Variants in ARL15 observed in about 807,000 individuals in gnomAD.
ARL15 encodes the protein ADP-ribosylation factor-like protein 15.
In ARL15, 19 loss-of-function variants were observed where a neutral mutation model predicts 25.2. The observed-to-expected ratio is 0.75, with a 90% CI of 0.53 to 1.10. The LOEUF (loss-of-function observed/expected upper bound fraction) is 1.10. Among genes scored for constraint, ARL15 ranks in the 50% least tolerant of loss-of-function variants. The pLI, the probability that ARL15 is intolerant of heterozygous loss-of-function variation, is 0.00. For missense variants in ARL15, 220 were observed against 246.0 expected (o/e 0.89, Z 0.71); for synonymous variants, 94 against 86.8 (o/e 1.08, Z -0.46).
intron 1 of ARL15, among the ~76,000 whole-genome samples, chr5:54,176,684 A>C (rs1283892190): frequency 6.6e-6 from 1 of 152,130 alleles, no homozygotes; most frequent in East Asian, 1.9e-4. Flanking sequence ...AAGCCTCATA[A>C]ACCTATCCAT....
intron 1 of ARL15, among the ~76,000 whole-genome samples, chr5:54,175,681 C>G (rs184161115): frequency 1.6e-4 from 22 of 135,934 alleles, no homozygotes; most frequent in African/African-American, 5.8e-4. Flanking sequence ...TTAAGACAGT[C>G]TGTCTCTGTC....
At chr5:53,951,654 C>T (rs1746966864) in intron 4 of ARL15, 1 of 405,394 alleles carries the variant, frequency 2.5e-6, no homozygotes, top group Admixed American at 4.1e-5. Context: ...TATATATTTT[C>T]GATATGATGA....
intron 2 of ARL15, 119 bp from the exon 3 acceptor site, chr5:54,154,758 T>A (rs1754173946): frequency 1.7e-6 from 1 of 590,432 alleles, no homozygotes; most frequent in Non-Finnish European, 2.9e-6. Flanking sequence ...TTGTAGCTGA[T>A]ATTTATACTA....
At position 54,310,430 on chromosome 5, in the gene ARL15, A is replaced by G. The variant is rs771837883; in HGVS notation, c.48+2T>C. 6.2e-7 allele frequency: 1 copy of G among 1,609,644 alleles called. No homozygotes were observed. Among genetic ancestry groups the G allele is most frequent in the Admixed American group, 1.7e-5 (1 of 59,386 alleles). On this transcript the variant is annotated splice_donor_variant, in intron 1 of 4. Transcript: ENST00000504924. LOFTEE classifies it high-confidence loss of function. ...GACATGCCACCCCTGCCCTGCACCT[A>G]CCAGATAATCCATGTACAGAAACGC...
At chr5:53,916,697 C>A (rs902892589) in intron 4 of ARL15, among the ~76,000 whole-genome samples, 3 of 152,058 alleles carry the variant, frequency 2.0e-5, no homozygotes, top group South Asian at 2.1e-4. Flanking sequence ...TACAGGGAAT[C>A]TTGTATGAAA....
chr5:54,206,676 TA>T (rs1355824470), intron 1 of ARL15, among the ~76,000 whole-genome samples: 1 of 152,146 alleles, frequency 6.6e-6, no homozygotes, highest in African/African-American at 2.4e-5. Context: ...GAAGGAACTA[TA>T]TTTGTGTAAG....
chr5:53,972,022 G>C (rs1056602740), intron 4 of ARL15, among the ~76,000 whole-genome samples: 2 of 152,138 alleles, frequency 1.3e-5, no homozygotes, highest in African/African-American at 4.8e-5. Context: ...GGAAGTATGT[G>C]TGAATATAGA....
chr5:53,988,167 A>ATACCTGTGGTCCTAG (rs1748357788), intron 4 of ARL15, among the ~76,000 whole-genome samples: 3 of 151,296 alleles, frequency 2.0e-5, no homozygotes, highest in Non-Finnish European at 4.4e-5. Flanking sequence ...GTGTTGGTGC[A>ATACCTGTGGTCCTAG]TACCTGTGGT....
intron 3 of ARL15, among the ~76,000 whole-genome samples, chr5:54,136,143 T>G (rs1273055801): frequency 6.6e-6 from 1 of 152,164 alleles, no homozygotes; most frequent in Non-Finnish European, 1.5e-5. Context: ...TTATTCCCAC[T>G]CTCTTTGTAT....
At chr5:53,990,054 T>C (rs1320056370) in intron 4 of ARL15, among the ~76,000 whole-genome samples, 1 of 151,782 alleles carries the variant, frequency 6.6e-6, no homozygotes, top group Non-Finnish European at 1.5e-5. Context: ...GGAAATGCAG[T>C]GAAACCCATT....
rs781291694 is a variant in ARL15, at chr5:54,113,289, T to C, written c.375A>G (p.Ser125=). The C allele has an allele frequency of 3.7e-6, 6 of 1,614,008 alleles. No homozygotes were observed. Among genetic ancestry groups the C allele is most frequent in the Middle Eastern group, 1.6e-4 (1 of 6,062 alleles). The change falls in exon 4 of 5, where the codon TCA becomes TCG. Residue 125 remains serine, a synonymous_variant. Coordinates refer to ENST00000504924, the MANE Select transcript of ARL15 (RefSeq NM_019087.3). ...TGCATAACTGTGGATGCTGAAGAGCTGAGTGCAGCTCATTTCTAGCAGCTT... is the reference window on the plus strand; with the variant it reads ...TGCATAACTGTGGATGCTGAAGAGCCGAGTGCAGCTCATTTCTAGCAGCTT... ...DLEAARNELH[S]ALQHPQLCTL...
chr5:54,253,207 G>T (rs2094852670), intron 1 of ARL15, among the ~76,000 whole-genome samples: 1 of 152,098 alleles, frequency 6.6e-6, no homozygotes, highest in Admixed American at 6.5e-5. Context: ...CACTCAAATA[G>T]CAAGTGGCTT....
intron 4 of ARL15, among the ~76,000 whole-genome samples, chr5:54,068,200 A>G (rs573741490): frequency 7.0e-4 from 107 of 152,350 alleles, no homozygotes; most frequent in African/African-American, 2.4e-3. Context: ...CAGACTATAG[A>G]GAAAATGAGA....
chr5:54,069,842 T>G (rs1038558234), intron 4 of ARL15, among the ~76,000 whole-genome samples: 1 of 151,208 alleles, frequency 6.6e-6, no homozygotes, highest in African/African-American at 2.4e-5. Flanking sequence ...TCTAGCTAAT[T>G]TTTTGTACTT....
At chr5:53,960,431 G>C (rs1158177811) in intron 4 of ARL15, among the ~76,000 whole-genome samples, 1 of 152,094 alleles carries the variant, frequency 6.6e-6, no homozygotes, top group Non-Finnish European at 1.5e-5. Context: ...AAACCAATGA[G>C]GCTAGGGCAC....
chr5:54,198,939 C>T (rs930032491), intron 1 of ARL15, among the ~76,000 whole-genome samples: 3 of 151,900 alleles, frequency 2.0e-5, no homozygotes. Context: ...GTATTGGTAC[C>T]AAAACAGAGA....
At chr5:53,904,738 C>CTTTTT (rs35684823) in intron 4 of ARL15, among the ~76,000 whole-genome samples, 1,378 of 126,106 alleles carry the variant, frequency 0.011, 43 homozygotes, top group African/African-American at 0.039. Context: ...TTTTTAGTTC[C>CTTTTT]TTTTTTTTTT....
intron 4 of ARL15, among the ~76,000 whole-genome samples, chr5:54,017,621 GCAACAA>G (rs59853568): frequency 6.8e-5 from 10 of 146,612 alleles, no homozygotes; most frequent in African/African-American, 2.3e-4. Context: ...CCAAACCAAA[GCAACAA>G]CAACAACAAC....
intron 4 of ARL15, among the ~76,000 whole-genome samples, chr5:53,960,006 C>T (rs995637190): frequency 1.2e-4 from 18 of 151,590 alleles, no homozygotes; most frequent in African/African-American, 4.4e-4. Flanking sequence ...AAATATTTGT[C>T]GAAAGAATTA....
Sources: gnomAD v4.1 joint callset for allele counts (sites outside exome capture counted in the v4.1 genomes callset) on GRCh38, gnomAD v4.1.1 for gene constraint, MANE v1.5 for transcripts, NCBI Gene and HGNC (gene_info 2026-07-23, HGNC 2026-07-21) for gene names.